IGF2BP2: variants seen among roughly 807,000 people sequenced by gnomAD.
The protein encoded by IGF2BP2 is insulin-like growth factor 2 mRNA-binding protein 2.
Under a neutral mutation model 75.8 loss-of-function variants are expected in IGF2BP2, and 17 were observed. The observed-to-expected ratio is 0.22, with a 90% confidence interval of 0.15 to 0.34. The LOEUF (loss-of-function observed/expected upper bound fraction) is 0.34. Ranked by LOEUF, IGF2BP2 falls within the 10% of genes least tolerant of loss-of-function variation. The pLI, the probability that IGF2BP2 is intolerant of heterozygous loss-of-function variation, is 1.00. For synonymous variants in IGF2BP2, 288 were observed against 295.6 expected (o/e 0.97, Z 0.26); for missense variants, 516 against 772.4 (o/e 0.67, Z 3.93).
At chr3:185,742,707 C>A (rs989134912) in intron 2 of IGF2BP2, among the ~76,000 whole-genome samples, 2 of 151,966 alleles carry the variant, frequency 1.3e-5, no homozygotes, top group African/African-American at 4.8e-5. Flanking sequence ...TAGTTTAATG[C>A]AGCATTTCCA....
At chr3:185,679,460 A>G (rs530881844) in intron 7 of IGF2BP2, among the ~76,000 whole-genome samples, 1 of 152,226 alleles carries the variant, frequency 6.6e-6, no homozygotes, top group Non-Finnish European at 1.5e-5. Flanking sequence ...TAGTTAAAAA[A>G]AGTTTTTGTC....
intron 2 of IGF2BP2, chr3:185,713,397 T>C (rs780304453): frequency 2.5e-5 from 13 of 519,720 alleles, no homozygotes; most frequent in Middle Eastern, 6.3e-4. Context: ...GGCACATTTA[T>C]TGGAAAAGCA....
At chr3:185,711,983 T>C (rs1030072961) in intron 2 of IGF2BP2, among the ~76,000 whole-genome samples, 3 of 152,194 alleles carry the variant, frequency 2.0e-5, no homozygotes, top group African/African-American at 7.2e-5. Context: ...TTGGTCCTGA[T>C]GTGCTCAGGA....
intron 10 of IGF2BP2, among the ~76,000 whole-genome samples, chr3:185,672,151 G>A (rs1316630135): frequency 6.6e-6 from 1 of 152,140 alleles, no homozygotes; most frequent in African/African-American, 2.4e-5. Context: ...GCACATGTAT[G>A]TATGTAGATA....
At chr3:185,708,141 G>A (rs1028268674) in intron 2 of IGF2BP2, among the ~76,000 whole-genome samples, 1 of 152,160 alleles carries the variant, frequency 6.6e-6, no homozygotes. Flanking sequence ...AGGAGCTGAT[G>A]AGTCCCTTGT....
chr3:185,676,022 C>G, intron 7 of IGF2BP2, 109 bp from the exon 8 acceptor site: 4 of 1,404,244 alleles, frequency 2.8e-6, no homozygotes, highest in Non-Finnish European at 2.9e-6. Context: ...TGTTCAGGTA[C>G]CAAGTGATGA....
chr3:185,814,042 T>C (rs575284727), intron 2 of IGF2BP2: 3 of 152,192 alleles, frequency 2.0e-5, no homozygotes, highest in Admixed American at 6.5e-5. Flanking sequence ...GCTGTCACCG[T>C]TGGAATCACT....
chr3:185,697,211 C>T (rs1205094323), intron 3 of IGF2BP2, among the ~76,000 whole-genome samples: 1 of 152,144 alleles, frequency 6.6e-6, no homozygotes, highest in Non-Finnish European at 1.5e-5. Context: ...AGTGCAGCCA[C>T]TCTCCTGCCT....
chr3:185,750,690 C>G (rs1730847326), intron 2 of IGF2BP2, among the ~76,000 whole-genome samples: 1 of 152,190 alleles, frequency 6.6e-6, no homozygotes, highest in Non-Finnish European at 1.5e-5. Flanking sequence ...TACGTGCAAT[C>G]CTCTGGGATT....
At chr3:185,649,845 A>G (rs1714265199) in intron 13 of IGF2BP2, among the ~76,000 whole-genome samples, 1 of 152,142 alleles carries the variant, frequency 6.6e-6, no homozygotes, top group African/African-American at 2.4e-5. Flanking sequence ...ATGCAACTCT[A>G]TGTCTTATTT....
intron 2 of IGF2BP2, among the ~76,000 whole-genome samples, chr3:185,757,944 T>TG (rs1214061912): frequency 6.6e-6 from 1 of 152,264 alleles, no homozygotes; most frequent in Admixed American, 6.5e-5. Context: ...CCAAGTCAAC[T>TG]GGCTCATATC....
At chr3:185,761,475 G>GGC (rs1732360436) in intron 2 of IGF2BP2, among the ~76,000 whole-genome samples, 1 of 152,132 alleles carries the variant, frequency 6.6e-6, no homozygotes, top group East Asian at 1.9e-4. Flanking sequence ...CAAGAACTAC[G>GGC]GCTTCACTGC....
chr3:185,821,001 TGTCACA>T, intron 2 of IGF2BP2: 1 of 1,535,118 alleles, frequency 6.5e-7, no homozygotes, highest in Non-Finnish European at 8.7e-7. Context: ...TGGTTTCAAA[TGTCACA>T]GTACCCTGGA....
intron 10 of IGF2BP2, among the ~76,000 whole-genome samples, chr3:185,668,816 T>C (rs928589200): frequency 3.3e-5 from 5 of 152,050 alleles, no homozygotes; most frequent in African/African-American, 1.2e-4. Flanking sequence ...TACATAGCAG[T>C]TACTGTATGT....
At chr3:185,669,293 T>A (rs570532119) in intron 10 of IGF2BP2, among the ~76,000 whole-genome samples, 2 of 152,226 alleles carry the variant, frequency 1.3e-5, no homozygotes, top group East Asian at 1.9e-4. Context: ...TCAAGATGTA[T>A]ACACACAAGG....
chr3:185,665,825 G>A (rs1200556737), intron 10 of IGF2BP2, among the ~76,000 whole-genome samples: 3 of 152,146 alleles, frequency 2.0e-5, no homozygotes, highest in South Asian at 2.1e-4. Context: ...AAATTAGCCA[G>A]GTGTGGTGGC....
intron 2 of IGF2BP2, among the ~76,000 whole-genome samples, chr3:185,746,825 T>C (rs1242207974): frequency 6.6e-6 from 1 of 152,234 alleles, no homozygotes; most frequent in African/African-American, 2.4e-5. Flanking sequence ...AATGCTCTTA[T>C]GTTTGGAAGC....
intron 2 of IGF2BP2, among the ~76,000 whole-genome samples, chr3:185,731,058 G>A (rs559309792): frequency 6.6e-5 from 10 of 152,036 alleles, no homozygotes; most frequent in Non-Finnish European, 1.2e-4. Context: ...AAAAATGAAT[G>A]AATAAATACT....
In IGF2BP2 at chr3:185,798,443, A is replaced by G. The variant is rs113824761; in HGVS notation, c.239+24710T>C. On this transcript the variant is annotated intron_variant, in intron 2 of 15. Coordinates refer to ENST00000382199, the MANE Select transcript of IGF2BP2 (RefSeq NM_006548.6). ...TTAATATTTATTACATAATAGATTCAGGAAACTGTGTTTCTATGACCACAT... is the reference window on the plus strand; with the variant it reads ...TTAATATTTATTACATAATAGATTCGGGAAACTGTGTTTCTATGACCACAT... Among the ~76,000 whole-genome samples the G allele has an allele frequency of 1.8e-3, 275 of 152,352 alleles. 3 individuals are homozygous for G. Among genetic ancestry groups the G allele is most frequent in the Non-Finnish European group, 3.0e-3 (206 of 68,028 alleles).
Sources: allele counts gnomAD v4.1 joint callset (sites outside exome capture counted in the v4.1 genomes callset), GRCh38; gene constraint gnomAD v4.1.1; transcripts MANE v1.5; gene names NCBI Gene and HGNC (gene_info 2026-07-23, HGNC 2026-07-21).